Variants in JAKMIP2 observed in about 807,000 individuals in gnomAD.
JAKMIP2 encodes janus kinase and microtubule interacting protein 2, also known as janus kinase and microtubule-interacting protein 2.
JAKMIP2 carries 25 observed loss-of-function variants against 115.0 expected under a neutral mutation model. The observed-to-expected ratio is 0.22, with a 90% CI of 0.16 to 0.30. The LOEUF is 0.30. Among genes scored for constraint, JAKMIP2 ranks in the 10% least tolerant of loss-of-function variants. The pLI is 1.00. For synonymous variants in JAKMIP2, 334 were observed against 343.6 expected (o/e 0.97, Z 0.31); for missense variants, 642 against 957.6 (o/e 0.67, Z 4.35).
At chr5:147,657,046 G>A (rs867788878) in intron 3 of JAKMIP2, among the ~76,000 whole-genome samples, 1 of 152,158 alleles carries the variant, frequency 6.6e-6, no homozygotes, top group African/African-American at 2.4e-5. Flanking sequence ...TTGGGAGGCC[G>A]AGGCGGGTGG....
chr5:147,763,277 C>T (rs1290835254), intron 1 of JAKMIP2, among the ~76,000 whole-genome samples: 1 of 152,118 alleles, frequency 6.6e-6, no homozygotes, highest in African/African-American at 2.4e-5. Context: ...TACCCCCTTT[C>T]AGTTCTTCAC....
chr5:147,675,720 C>T (rs1409372851), intron 1 of JAKMIP2, among the ~76,000 whole-genome samples: 5 of 150,794 alleles, frequency 3.3e-5, no homozygotes, highest in Admixed American at 2.0e-4. Context: ...TGTTTTGTCT[C>T]TACTTAGTTT....
At chr5:147,770,410 G>C (rs763831440) in intron 1 of JAKMIP2, among the ~76,000 whole-genome samples, 2 of 152,018 alleles carry the variant, frequency 1.3e-5, no homozygotes, top group Non-Finnish European at 2.9e-5. Context: ...AAGGACAATA[G>C]GATCCAGGCT....
chr5:147,605,197 T>G (rs1755936786), intron 20 of JAKMIP2, among the ~76,000 whole-genome samples: 1 of 136,842 alleles, frequency 7.3e-6, no homozygotes, highest in Non-Finnish European at 1.5e-5. Context: ...GGTGTATATG[T>G]GCCACATTTT....
intron 3 of JAKMIP2, among the ~76,000 whole-genome samples, chr5:147,657,682 T>C (rs1053965893): frequency 6.6e-6 from 1 of 152,166 alleles, no homozygotes; most frequent in African/African-American, 2.4e-5. Flanking sequence ...CCCATATTTC[T>C]TGGAGGCTCT....
intron 15 of JAKMIP2, among the ~76,000 whole-genome samples, chr5:147,629,291 G>C (rs553881999): frequency 2.3e-4 from 35 of 152,258 alleles, no homozygotes; most frequent in African/African-American, 8.4e-4. Context: ...TTTTCGGAAA[G>C]AAAATGCATT....
chr5:147,763,229 A>G lies in JAKMIP2; in HGVS notation c.-149+19227T>C, dbSNP rs76042929. On this transcript the variant is annotated intron_variant, in intron 1 of 21. Coordinates refer to ENST00000616793, the MANE Select transcript of JAKMIP2 (RefSeq NM_001270941.2). ...TAGAATAGCCTGGATAGATGAGTTC[A>G]GACTGTTCAGACAGTCTTTGTTTTC... Among the ~76,000 whole-genome samples the G allele has an allele frequency of 4.1e-3, 622 of 152,268 alleles. 12 individuals carry two copies. The highest frequency in any genetic ancestry group is 0.014 in the African/African-American group (590 of 41,560).
chr5:147,594,565 C>T, intron 21 of JAKMIP2: 2 of 334,654 alleles, frequency 6.0e-6, no homozygotes, highest in Non-Finnish European at 6.5e-6. Flanking sequence ...AACTCCTGGG[C>T]TCAAGTGATC....
intron 1 of JAKMIP2, among the ~76,000 whole-genome samples, chr5:147,726,819 TTC>T (rs1753538891): frequency 6.6e-6 from 1 of 152,010 alleles, no homozygotes; most frequent in Non-Finnish European, 1.5e-5. Context: ...TGGCAGTACT[TTC>T]TTTTAGTCTC....
chr5:147,782,405 C>G, intron 1 of JAKMIP2, 51 bp downstream of exon 1: 1 of 1,526,604 alleles, frequency 6.6e-7, no homozygotes, highest in Middle Eastern at 1.7e-4. Flanking sequence ...ATACACAGGT[C>G]AAATAAGAAC....
chr5:147,730,548 C>T (rs758251912), intron 1 of JAKMIP2, among the ~76,000 whole-genome samples: 32 of 152,124 alleles, frequency 2.1e-4, no homozygotes, highest in Non-Finnish European at 3.1e-4. Context: ...TTCCACCTCC[C>T]GGGTTCAAGT....
chr5:147,673,757 A>C (rs184838849), intron 1 of JAKMIP2, among the ~76,000 whole-genome samples: 1 of 152,262 alleles, frequency 6.6e-6, no homozygotes, highest in East Asian at 1.9e-4. Context: ...GACCAGCACC[A>C]ATAGGCAAAA....
At chr5:147,736,057 C>A (rs189463290) in intron 1 of JAKMIP2, among the ~76,000 whole-genome samples, 1 of 152,140 alleles carries the variant, frequency 6.6e-6, no homozygotes, top group Non-Finnish European at 1.5e-5. Context: ...TCTTTCCTAC[C>A]CTTCATTTTT....
At chr5:147,728,278 G>T (rs1033950499) in intron 1 of JAKMIP2, among the ~76,000 whole-genome samples, 3 of 152,180 alleles carry the variant, frequency 2.0e-5, no homozygotes, top group Admixed American at 2.0e-4. Flanking sequence ...TCCACTGAGA[G>T]ATAAGGCTCC....
chr5:147,781,856 T>G (rs1755769095), intron 1 of JAKMIP2, among the ~76,000 whole-genome samples: 1 of 152,202 alleles, frequency 6.6e-6, no homozygotes, highest in Non-Finnish European at 1.5e-5. Flanking sequence ...TGTGTATATA[T>G]GATCTGTATA....
intron 5 of JAKMIP2, among the ~76,000 whole-genome samples, chr5:147,645,808 C>T (rs1439500088): frequency 6.6e-6 from 1 of 152,084 alleles, no homozygotes; most frequent in Non-Finnish European, 1.5e-5. Flanking sequence ...CTGCTAATTG[C>T]GACCATCAAA....
At chr5:147,594,047 T>C (rs1755229334) in intron 21 of JAKMIP2, among the ~76,000 whole-genome samples, 1 of 152,180 alleles carries the variant, frequency 6.6e-6, no homozygotes, top group Non-Finnish European at 1.5e-5. Context: ...AAACCCCTCA[T>C]TTGAGTAAAC....
chr5:147,664,482 G>A (rs1399140768), intron 2 of JAKMIP2, among the ~76,000 whole-genome samples: 2 of 152,032 alleles, frequency 1.3e-5, no homozygotes, highest in African/African-American at 2.4e-5. Context: ...CCTGCATCTC[G>A]TACCCAGATG....
chr5:147,645,994 C>T lies in JAKMIP2; in HGVS notation c.937-998G>A, dbSNP rs112716928. Among the ~76,000 whole-genome samples, 1,285 of 152,178 alleles carry T rather than the reference C, an allele frequency of 8.4e-3. 13 individuals are homozygous for T. Among genetic ancestry groups the T allele is most frequent in the African/African-American group, 0.029 (1,192 of 41,516 alleles). ...TTCATTTTCAGCTTCTCATGATTAGCTTATTCTTTTCTTACTAATGATTCT... is the reference window on the plus strand; with the variant it reads ...TTCATTTTCAGCTTCTCATGATTAGTTTATTCTTTTCTTACTAATGATTCT... On this transcript the variant is annotated intron_variant, in intron 5 of 21. Transcript: ENST00000616793.
Sources: gnomAD v4.1 joint callset for allele counts (sites outside exome capture counted in the v4.1 genomes callset) on GRCh38, gnomAD v4.1.1 for gene constraint, MANE v1.5 for transcripts, NCBI Gene and HGNC (gene_info 2026-07-23, HGNC 2026-07-21) for gene names.